Variants in CMIP observed in about 807,000 individuals in gnomAD.
CMIP encodes the protein C-Maf-inducing protein.
CMIP carries 13 observed loss-of-function variants against 97.3 expected under a neutral mutation model. The observed-to-expected ratio is 0.13, with a 90% CI of 0.09 to 0.21. The LOEUF (loss-of-function observed/expected upper bound fraction) is 0.21. Ranked by LOEUF, CMIP falls within the 10% of genes least tolerant of loss-of-function variation. CMIP has a pLI of 1.00. For missense variants in CMIP, 847 were observed against 1,024.9 expected (o/e 0.83, Z 2.37); for synonymous variants, 538 against 436.3 (o/e 1.23, Z -2.91).
intron 20 of CMIP, among the ~76,000 whole-genome samples, chr16:81,707,979 G>A (rs1049490822): frequency 3.3e-5 from 5 of 152,260 alleles, no homozygotes; most frequent in Non-Finnish European, 5.9e-5. Context: ...GCCTCCTGCC[G>A]CCAGGGCGTG....
At chr16:81,473,802 C>T (rs1055184818) in intron 1 of CMIP, among the ~76,000 whole-genome samples, 2 of 147,978 alleles carry the variant, frequency 1.4e-5, no homozygotes, top group Non-Finnish European at 3.0e-5. Flanking sequence ...TTACTTGGCC[C>T]ACACAGTGGT....
At chr16:81,562,553 A>AC (rs2090903731) in intron 1 of CMIP, among the ~76,000 whole-genome samples, 3 of 152,224 alleles carry the variant, frequency 2.0e-5, no homozygotes, top group Non-Finnish European at 4.4e-5. Flanking sequence ...TGAGAGTAGG[A>AC]CATGTGGCAA....
intron 1 of CMIP, among the ~76,000 whole-genome samples, chr16:81,538,801 G>A (rs1440346782): frequency 5.3e-5 from 8 of 151,852 alleles, no homozygotes; most frequent in Non-Finnish European, 2.9e-5. Context: ...TGATCTTCTC[G>A]GGCAATAATA....
chr16:81,572,443 A>G (rs1245281291), intron 1 of CMIP, among the ~76,000 whole-genome samples: 1 of 152,236 alleles, frequency 6.6e-6, no homozygotes, highest in African/African-American at 2.4e-5. Context: ...TCCTGCAGTC[A>G]TTCCTAAGCG....
At chr16:81,473,110 C>T (rs2150748716) in intron 1 of CMIP, among the ~76,000 whole-genome samples, 1 of 152,346 alleles carries the variant, frequency 6.6e-6, no homozygotes, top group East Asian at 1.9e-4. Flanking sequence ...TGCCTGCGGC[C>T]CCTGCCTCCT....
chr16:81,600,478 G>A (rs1300243755), intron 1 of CMIP, among the ~76,000 whole-genome samples: 1 of 152,142 alleles, frequency 6.6e-6, no homozygotes, highest in Non-Finnish European at 1.5e-5. Context: ...AGTGAAAGGA[G>A]CCAGGCACAA....
intron 1 of CMIP, among the ~76,000 whole-genome samples, chr16:81,543,464 G>A (rs965065418): frequency 3.9e-5 from 6 of 152,142 alleles, no homozygotes; most frequent in African/African-American, 7.2e-5. Flanking sequence ...TCCCTGCTGC[G>A]TCCTGGGCCA....
At chr16:81,462,457 TC>T (rs1906952445) in intron 1 of CMIP, among the ~76,000 whole-genome samples, 1 of 151,988 alleles carries the variant, frequency 6.6e-6, no homozygotes, top group African/African-American at 2.4e-5. Context: ...CAGTGACGCT[TC>T]CCCAGCAGGA....
chr16:81,503,563 A>G (rs2089650874), intron 1 of CMIP, among the ~76,000 whole-genome samples: 1 of 151,986 alleles, frequency 6.6e-6, no homozygotes, highest in South Asian at 2.1e-4. Context: ...CACCTGGCTA[A>G]TTTTTAAATT....
At chr16:81,635,165 C>T (rs2092218359) in intron 3 of CMIP, among the ~76,000 whole-genome samples, 1 of 152,030 alleles carries the variant, frequency 6.6e-6, no homozygotes, top group South Asian at 2.1e-4. Context: ...CTGAAAATGC[C>T]ACCTTATATT....
chr16:81,683,008 CT>C (rs1905025743), intron 10 of CMIP, among the ~76,000 whole-genome samples: 1 of 152,188 alleles, frequency 6.6e-6, no homozygotes, highest in Non-Finnish European at 1.5e-5. Flanking sequence ...AGCTCTTTTC[CT>C]GCTGGGCACC....
intron 2 of CMIP, among the ~76,000 whole-genome samples, chr16:81,609,624 G>A (rs778001493): frequency 1.3e-5 from 2 of 152,354 alleles, no homozygotes; most frequent in South Asian, 2.1e-4. Context: ...GCCCAGAGAA[G>A]GAGGAACTTA....
intron 1 of CMIP, among the ~76,000 whole-genome samples, chr16:81,569,901 C>T (rs2091052848): frequency 1.3e-5 from 2 of 152,198 alleles, no homozygotes; most frequent in South Asian, 4.1e-4. Flanking sequence ...AGCGCCTGTA[C>T]TGTGGTAGGT....
chr16:81,703,312 C>T (rs1174525484), intron 17 of CMIP, among the ~76,000 whole-genome samples: 1 of 152,050 alleles, frequency 6.6e-6, no homozygotes, highest in South Asian at 2.1e-4. Context: ...CGCTGACACT[C>T]AAGGATGGAG....
At chr16:81,496,118 C>G (rs2089486224) in intron 1 of CMIP, among the ~76,000 whole-genome samples, 1 of 152,108 alleles carries the variant, frequency 6.6e-6, no homozygotes, top group South Asian at 2.1e-4. Flanking sequence ...GTTTTTTCAT[C>G]TGTAGAATGG....
intron 1 of CMIP, among the ~76,000 whole-genome samples, chr16:81,540,968 C>G (rs1194810823): frequency 6.6e-6 from 1 of 151,476 alleles, no homozygotes; most frequent in African/African-American, 2.4e-5. Flanking sequence ...GTGTGAGCCA[C>G]TGCACCCGGC....
At position 81,445,113 on chromosome 16, in the gene CMIP, C is replaced by T; in HGVS notation, c.-129C>T. On this transcript the variant is annotated 5_prime_UTR_variant, in exon 1 of 21. Coordinates refer to ENST00000537098, the MANE Select transcript of CMIP (RefSeq NM_198390.3). The stretch of plus-strand genomic sequence containing the variant: ...AGCGCCCCCTCCCCTGCGGGCGCCC[C>T]CAGCCCCACACCCCCCCACCTTCCC... The T allele has an allele frequency of 2.6e-6, 1 of 384,614 alleles. No homozygotes were observed. 23.8% of individuals were successfully genotyped at this position (384,614 alleles called of 1,614,324 possible). A position where few individuals can be genotyped will look rare whatever the true frequency, so the allele number is the denominator to read the frequency against.
At chr16:81,546,501 G>A (rs1272330546) in intron 1 of CMIP, among the ~76,000 whole-genome samples, 1 of 152,186 alleles carries the variant, frequency 6.6e-6, no homozygotes, top group African/African-American at 2.4e-5. Context: ...GTTGCAGGCG[G>A]TTCATTCATT....
intron 1 of CMIP, among the ~76,000 whole-genome samples, chr16:81,499,575 A>T (rs1306809596): frequency 1.3e-5 from 2 of 152,136 alleles, no homozygotes; most frequent in Non-Finnish European, 2.9e-5. Flanking sequence ...CTTGTCATCC[A>T]TCTTCTGGGC....
Sources: allele counts gnomAD v4.1 joint callset (sites outside exome capture counted in the v4.1 genomes callset), GRCh38; gene constraint gnomAD v4.1.1; transcripts MANE v1.5; gene names NCBI Gene and HGNC (gene_info 2026-07-23, HGNC 2026-07-21).